The following IL1RAPL1 variants were observed in gnomAD, a reference collection of about 807,000 sequenced individuals.
IL1RAPL1 encodes the protein interleukin-1 receptor accessory protein-like 1.
Under a neutral mutation model 48.4 loss-of-function variants are expected in IL1RAPL1, and 3 were observed. The ratio of observed to expected loss-of-function variants is 0.06; its 90% CI spans 0.03 to 0.16. The LOEUF (loss-of-function observed/expected upper bound fraction) is 0.16. Among genes scored for constraint, IL1RAPL1 ranks in the 10% least tolerant of loss-of-function variants. IL1RAPL1 has a pLI of 1.00. For synonymous variants in IL1RAPL1, 185 were observed against 187.7 expected (o/e 0.99, Z 0.12); for missense variants, 349 against 530.6 (o/e 0.66, Z 3.36).
At chrX:29,370,088 A>T (rs779538749) in intron 3 of IL1RAPL1, among the ~76,000 whole-genome samples, 14 of 111,592 alleles carry the variant, frequency 1.3e-4, no homozygotes, top group East Asian at 5.6e-4. Flanking sequence ...ACCAGAAAAA[A>T]TTTTTTCGTA....
chrX:29,092,762 G>A (rs1475643312), intron 2 of IL1RAPL1, among the ~76,000 whole-genome samples: 2 of 111,951 alleles, frequency 1.8e-5, no homozygotes, highest in East Asian at 5.6e-4. Flanking sequence ...AAGGTTCTTG[G>A]TTAACAGGAA....
At chrX:29,571,422 T>C (rs749653108) in intron 5 of IL1RAPL1, among the ~76,000 whole-genome samples, 3 of 111,077 alleles carry the variant, frequency 2.7e-5, no homozygotes, top group Non-Finnish European at 3.8e-5. Context: ...AAGATAAGAT[T>C]AGTTCCTAGT....
chrX:28,976,173 G>A (rs891088512), intron 2 of IL1RAPL1, among the ~76,000 whole-genome samples: 1 of 111,848 alleles, frequency 8.9e-6, no homozygotes, highest in African/African-American at 3.3e-5. Flanking sequence ...TATTTTGAAA[G>A]GATAACTCTG....
chrX:28,768,741 C>G (rs866017933), intron 1 of IL1RAPL1, among the ~76,000 whole-genome samples: 2 of 69,245 alleles, frequency 2.9e-5, no homozygotes, highest in African/African-American at 1.2e-4. Context: ...CTCTCTCTCT[C>G]TCTCTCTCTC....
intron 1 of IL1RAPL1, among the ~76,000 whole-genome samples, chrX:28,704,843 A>C (rs1211549783): frequency 2.8e-5 from 3 of 106,016 alleles, no homozygotes; most frequent in South Asian, 4.1e-4. Flanking sequence ...AAAAAAAAAA[A>C]AAAAAACTGT....
intron 1 of IL1RAPL1, among the ~76,000 whole-genome samples, chrX:28,638,718 C>T (rs1426819788): frequency 4.6e-5 from 5 of 109,134 alleles, no homozygotes; most frequent in African/African-American, 1.7e-4. Context: ...GGGATGATCT[C>T]GATATAGGCA....
chrX:28,588,461 T>C (rs994251635), intron 1 of IL1RAPL1, among the ~76,000 whole-genome samples: 1 of 111,872 alleles, frequency 8.9e-6, no homozygotes, highest in Admixed American at 9.5e-5. Context: ...AAGAGCCCCA[T>C]TTAAAATGAA....
At chrX:28,984,330 G>T (rs1368181809) in intron 2 of IL1RAPL1, among the ~76,000 whole-genome samples, 1 of 111,650 alleles carries the variant, frequency 9.0e-6, no homozygotes, top group African/African-American at 3.3e-5. Context: ...CCAGGCTTCT[G>T]TTAAGACTGT....
At chrX:29,933,296 C>T (rs770524810) in intron 8 of IL1RAPL1, among the ~76,000 whole-genome samples, 1 of 110,882 alleles carries the variant, frequency 9.0e-6, no homozygotes, top group Non-Finnish European at 1.9e-5. Flanking sequence ...AACAAACCTG[C>T]GCGTTCTGCA....
intron 2 of IL1RAPL1, among the ~76,000 whole-genome samples, chrX:28,801,401 T>G (rs1936673866): frequency 9.0e-6 from 1 of 111,285 alleles, no homozygotes; most frequent in African/African-American, 3.3e-5. Context: ...TTGCCATAGA[T>G]AAACCTCCTG....
intron 2 of IL1RAPL1, among the ~76,000 whole-genome samples, chrX:29,054,572 G>A (rs1927170326): frequency 9.0e-6 from 1 of 111,236 alleles, no homozygotes; most frequent in South Asian, 4.0e-4. Context: ...AGGTGTGAGA[G>A]GAAAATTTTT....
intron 2 of IL1RAPL1, among the ~76,000 whole-genome samples, chrX:28,807,509 A>G (rs1466178471): frequency 9.0e-6 from 1 of 111,679 alleles, no homozygotes; most frequent in Admixed American, 9.6e-5. Flanking sequence ...AGAAACTTGC[A>G]TATAATGAAT....
chrX:29,549,481 AT>A (rs1921734656), intron 5 of IL1RAPL1, among the ~76,000 whole-genome samples: 1 of 111,635 alleles, frequency 9.0e-6, no homozygotes, highest in African/African-American at 3.3e-5. Context: ...ACTGTGCCTG[AT>A]TTATAAATTT....
At chrX:29,724,213 C>A (rs753983292) in intron 6 of IL1RAPL1, among the ~76,000 whole-genome samples, 1 of 111,505 alleles carries the variant, frequency 9.0e-6, no homozygotes, top group Admixed American at 9.6e-5. Context: ...CATAGCTCTT[C>A]GGTCTGCTCC....
intron 9 of IL1RAPL1, among the ~76,000 whole-genome samples, chrX:29,944,168 T>C (rs747710829): frequency 4.5e-5 from 5 of 111,889 alleles, no homozygotes; most frequent in East Asian, 2.8e-4. Flanking sequence ...ATCTGGAATA[T>C]GTTAATGTAC....
intron 2 of IL1RAPL1, among the ~76,000 whole-genome samples, chrX:28,883,553 A>G (rs1436080341): frequency 3.6e-5 from 4 of 112,399 alleles, no homozygotes; most frequent in South Asian, 7.2e-4. Flanking sequence ...GCCAGTGGCA[A>G]GGAAGTAACA....
chrX:28,751,663 G>C (rs372616923), intron 1 of IL1RAPL1, among the ~76,000 whole-genome samples: 2 of 112,079 alleles, frequency 1.8e-5, no homozygotes, highest in African/African-American at 6.5e-5. Flanking sequence ...AGCTCCATGA[G>C]AGCAGAGATC....
intron 5 of IL1RAPL1, among the ~76,000 whole-genome samples, chrX:29,665,466 GTT>G (rs1399388805): frequency 8.9e-6 from 1 of 112,401 alleles, no homozygotes; most frequent in East Asian, 2.8e-4. Context: ...AGCTGCATTT[GTT>G]TTCCAGTTCT....
chrX:29,554,341 A>G (rs1490118720), intron 5 of IL1RAPL1, among the ~76,000 whole-genome samples: 1 of 111,681 alleles, frequency 9.0e-6, no homozygotes, highest in African/African-American at 3.3e-5. Flanking sequence ...AATAATATTC[A>G]TACATATTTG....
Sources: allele counts gnomAD v4.1 joint callset (sites outside exome capture counted in the v4.1 genomes callset), GRCh38; gene constraint gnomAD v4.1.1; transcripts MANE v1.5; gene names NCBI Gene and HGNC (gene_info 2026-07-23, HGNC 2026-07-21).